The following AGO2 variants were observed in gnomAD, a reference collection of about 807,000 sequenced individuals.
AGO2 encodes the protein protein argonaute-2.
In AGO2, 5 loss-of-function variants were observed where a neutral mutation model predicts 102.3. The observed-to-expected ratio is 0.05, with a 90% CI of 0.03 to 0.10. The LOEUF (loss-of-function observed/expected upper bound fraction) is 0.10, where lower values mean the gene tolerates loss of function less well. Among genes scored for constraint, AGO2 ranks in the 10% least tolerant of loss-of-function variants. The probability of loss-of-function intolerance (pLI) is 1.00; values close to 1 mark genes in which losing one functional copy is unlikely to be tolerated. For missense variants in AGO2, 541 were observed against 1,183.7 expected (o/e 0.46, Z 7.97); for synonymous variants, 449 against 473.1 (o/e 0.95, Z 0.66).
rs1056071633 is a variant in AGO2, at chr8:140,539,644, C to T, written c.2035-190G>A. Among the ~76,000 whole-genome samples, 8 of 152,126 alleles carry T rather than the reference C, an allele frequency of 5.3e-5. No homozygotes were observed. Among genetic ancestry groups the T allele is most frequent in the African/African-American group, 1.2e-4 (5 of 41,422 alleles). On this transcript the variant is annotated intron_variant, in intron 15 of 18. Transcript: ENST00000220592. The surrounding 1 kb of genome is among the most constrained non-coding windows in gnomAD (Gnocchi z 4.7). ...TGCAGGGAGGACTGGATGCAGGAAG[C>T]GGGGGCTTGGCACTCAGGAATGGGA...
the AGO2 span, among the ~76,000 whole-genome samples, chr8:140,640,669 G>A: frequency 6.6e-6 from 1 of 152,090 alleles, no homozygotes; most frequent in Admixed American, 6.5e-5. Context: ...ACTGGCATGC[G>A]CCACCATGCC....
intron 10 of AGO2, chr8:140,555,532 A>G (rs1184961501): frequency 5.2e-6 from 1 of 191,838 alleles, no homozygotes; most frequent in African/African-American, 2.4e-5. Flanking sequence ...GCAAGGACAA[A>G]AAACTGTTAC....
At position 140,526,062 on chromosome 8, in the gene AGO2, TGA is replaced by T. The variant is rs1483039478; in HGVS notation, c.*5980_*5981del. ...CCTTAGTTTGTTTTGCAGTAGGGAG[TGA>T]GAGTAACCCGAGGTCCCAAAGTCAA... On this transcript the variant is annotated 3_prime_UTR_variant, in exon 19 of 19. Transcript: ENST00000220592. This position sits in a 1 kb window ranked among gnomAD's most constrained non-coding sequence, Gnocchi z 5.2. 1 of 151,998 alleles carries T rather than the reference TGA, an allele frequency of 6.6e-6. No individual in the cohort carries two copies. Among genetic ancestry groups the T allele is most frequent in the Non-Finnish European group, 1.5e-5 (1 of 68,000 alleles). The allele number at this position is 151,998 out of a possible 1,614,324, so 9.4% of individuals were successfully genotyped here. A position where few individuals can be genotyped will look rare whatever the true frequency, so the allele number is the denominator to read the frequency against.
chr8:140,566,716 T>C (rs1766145675), intron 3 of AGO2, among the ~76,000 whole-genome samples: 1 of 148,578 alleles, frequency 6.7e-6, no homozygotes, highest in South Asian at 2.1e-4. Flanking sequence ...GAGGGGCGAG[T>C]GCCCCTGTCA....
Position 140,611,757 on chromosome 8 carries a change from G to A in AGO2, c.22+23728C>T, listed in dbSNP as rs146290488. ...GTGTGGCCTTTCGAGCTGTGACCTC[G>A]AGTAGGGTGCCGGGCAGATGTCTTC... is the stretch of plus-strand genomic sequence containing the variant. On this transcript the variant is annotated intron_variant, in intron 1 of 18. Coordinates refer to ENST00000220592, the MANE Select transcript of AGO2 (RefSeq NM_012154.5). Among the ~76,000 whole-genome samples the A allele has an allele frequency of 2.4e-3, 363 of 152,276 alleles. 10 individuals carry two copies. The East Asian group carries it at 0.052, about 22-fold the overall frequency.
In AGO2 at chr8:140,560,097, G is replaced by C. The variant is rs80307317; in HGVS notation, c.655+277C>G. 3.2e-4 allele frequency among the ~76,000 whole-genome samples: 48 copies of C among 152,340 alleles called. No individual in the cohort carries two copies. In the East Asian group the frequency reaches 8.5e-3, roughly 27 times the overall value. ...TACAGTCAAACCCAGGCCTACAGGA[G>C]GCCAGCAGCAAGGAAGCCCCGGATC... is the stretch of plus-strand genomic sequence containing the variant. On this transcript the variant is annotated intron_variant, in intron 5 of 18. Transcript: ENST00000220592.
chr8:140,624,992 C>T (rs1370756242), intron 1 of AGO2, among the ~76,000 whole-genome samples: 1 of 152,206 alleles, frequency 6.6e-6, no homozygotes, highest in Non-Finnish European at 1.5e-5. Flanking sequence ...ACCATCCCAG[C>T]AGCCTCCTCC....
In AGO2 at chr8:140,523,617, A is replaced by G. The variant is rs1282799404; in HGVS notation, c.*8427T>C. 6.6e-6 allele frequency: 1 copy of G among 152,228 alleles called. No individual in the cohort carries two copies. Among genetic ancestry groups the G allele is most frequent in the African/African-American group, 2.4e-5 (1 of 41,454 alleles). 9.4% of individuals were successfully genotyped at this position (152,228 alleles called of 1,614,324 possible). On this transcript the variant is annotated 3_prime_UTR_variant, in exon 19 of 19. Coordinates refer to ENST00000220592, the MANE Select transcript of AGO2 (RefSeq NM_012154.5). Reference sequence around the variant, plus strand: ...AAAAAATAAAAACTTGCTTGCCTCTACAGTTATAAAACATGAATTCATACC... The same window carrying G: ...AAAAAATAAAAACTTGCTTGCCTCTGCAGTTATAAAACATGAATTCATACC...
intron 1 of AGO2, among the ~76,000 whole-genome samples, chr8:140,610,401 T>C (rs917044097): frequency 6.6e-6 from 1 of 152,070 alleles, no homozygotes; most frequent in Non-Finnish European, 1.5e-5. Context: ...GTATTTTCAG[T>C]AGAGATGGGG....
In AGO2 at chr8:140,589,294, CAG is replaced by C. The variant is rs1353032994; in HGVS notation, c.23-3985_23-3984del. ...GGCGGGGAGAGCAGCTGCAGAAATTCAGAGTCATTAAATAAATGAATAGCCCA... is the reference window on the plus strand; with the variant it reads ...GGCGGGGAGAGCAGCTGCAGAAATTCAGTCATTAAATAAATGAATAGCCCA... On this transcript the variant is annotated intron_variant, in intron 1 of 18. Coordinates refer to ENST00000220592, the MANE Select transcript of AGO2 (RefSeq NM_012154.5). The surrounding 1 kb of genome is among the most constrained non-coding windows in gnomAD (Gnocchi z 4.2). Among the ~76,000 whole-genome samples, 1 of 152,146 alleles carries C rather than the reference CAG, an allele frequency of 6.6e-6. No homozygotes were observed. The highest frequency in any genetic ancestry group is 1.5e-5 in the Non-Finnish European group (1 of 68,014).
At chr8:140,633,632 GT>G (rs1229048016) in intron 1 of AGO2, among the ~76,000 whole-genome samples, 1 of 152,200 alleles carries the variant, frequency 6.6e-6, no homozygotes, top group Non-Finnish European at 1.5e-5. Flanking sequence ...TCAATGACAA[GT>G]ATGCGGGCAG....
intron 2 of AGO2, among the ~76,000 whole-genome samples, chr8:140,573,621 G>C (rs536600249): frequency 6.6e-6 from 1 of 152,204 alleles, no homozygotes; most frequent in African/African-American, 2.4e-5. Context: ...AACCTGATAC[G>C]CGCTGGGCAC....
intron 1 of AGO2, among the ~76,000 whole-genome samples, chr8:140,595,960 T>TATA (rs1436665884): frequency 1.6e-5 from 2 of 127,476 alleles, no homozygotes; most frequent in Admixed American, 9.9e-5. Context: ...ATATATAATA[T>TATA]ATATAAATTA....
intron 1 of AGO2, chr8:140,626,982 G>C (rs910821243): frequency 6.6e-6 from 1 of 151,996 alleles, no homozygotes; most frequent in African/African-American, 2.4e-5. Context: ...GCTCAGACCA[G>C]AATGGTGTCC....
chr8:140,534,098 G>A (rs544297894), intron 17 of AGO2, among the ~76,000 whole-genome samples: 43 of 152,276 alleles, frequency 2.8e-4, no homozygotes, highest in African/African-American at 9.6e-4. Flanking sequence ...GGTGGGCAGC[G>A]GAACGTTCGT....
At position 140,540,713 on chromosome 8, in the gene AGO2, G is replaced by A. The variant is rs918867512; in HGVS notation, c.2034+451C>T. Reference sequence around the variant, plus strand: ...TCCTGGCGACCCTACCTTCAACAGAGCTGCCACCTATCCATCCTTCTGGCC... The same window carrying A: ...TCCTGGCGACCCTACCTTCAACAGAACTGCCACCTATCCATCCTTCTGGCC... On this transcript the variant is annotated intron_variant, in intron 15 of 18. Coordinates refer to ENST00000220592, the MANE Select transcript of AGO2 (RefSeq NM_012154.5). The surrounding 1 kb of genome is among the most constrained non-coding windows in gnomAD (Gnocchi z 5.0). 6.6e-6 allele frequency among the ~76,000 whole-genome samples: 1 copy of A among 152,176 alleles called. No homozygotes were observed. The highest frequency in any genetic ancestry group is 2.4e-5 in the African/African-American group (1 of 41,442).
intron 1 of AGO2, among the ~76,000 whole-genome samples, chr8:140,588,909 G>T (rs1208977358): frequency 6.6e-6 from 1 of 152,266 alleles, no homozygotes; most frequent in Non-Finnish European, 1.5e-5. Flanking sequence ...GCATCACTCA[G>T]CACATTTGTT....
intron 2 of AGO2, among the ~76,000 whole-genome samples, chr8:140,583,966 G>A (rs765742367): frequency 1.3e-5 from 2 of 152,106 alleles, no homozygotes; most frequent in Non-Finnish European, 2.9e-5. Flanking sequence ...CAATCTTTTG[G>A]GACCACGGTG....
chr8:140,616,764 G>C (rs1310742405), intron 1 of AGO2, among the ~76,000 whole-genome samples: 4 of 152,200 alleles, frequency 2.6e-5, no homozygotes, highest in African/African-American at 9.6e-5. Flanking sequence ...GAGAGCCTCA[G>C]GGGGAGAGAG....
Sources: gnomAD v4.1 joint callset for allele counts (sites outside exome capture counted in the v4.1 genomes callset) on GRCh38, gnomAD v4.1.1 for gene constraint, Gnocchi (gnomAD v3.1) non-coding constraint, MANE v1.5 for transcripts, NCBI Gene and HGNC (gene_info 2026-07-23, HGNC 2026-07-21) for gene names.